The following SSBP2 variants were observed in gnomAD, a reference collection of about 807,000 sequenced individuals.
SSBP2 encodes the protein single stranded DNA binding protein 2, also known as single-stranded DNA-binding protein 2.
A neutral mutation model predicts 61.8 loss-of-function variants in SSBP2; 17 were observed. The ratio of observed to expected loss-of-function variants is 0.28; its 90% CI spans 0.19 to 0.41. The LOEUF (loss-of-function observed/expected upper bound fraction) is 0.41. Among genes scored for constraint, SSBP2 ranks in the 10% least tolerant of loss-of-function variants. The pLI, the probability that SSBP2 is intolerant of heterozygous loss-of-function variation, is 1.00. For missense variants in SSBP2, 310 were observed against 458.7 expected (o/e 0.68, Z 2.96); for synonymous variants, 139 against 141.3 (o/e 0.98, Z 0.12).
At chr5:81,726,097 G>A (rs969733393) in intron 1 of SSBP2, among the ~76,000 whole-genome samples, 1 of 152,108 alleles carries the variant, frequency 6.6e-6, no homozygotes, top group Admixed American at 6.6e-5. Flanking sequence ...ATCTATGTAG[G>A]CAGAGAATTA....
At chr5:81,504,018 A>G (rs1282685600) in intron 5 of SSBP2, among the ~76,000 whole-genome samples, 2 of 152,224 alleles carry the variant, frequency 1.3e-5, no homozygotes, top group African/African-American at 2.4e-5. Flanking sequence ...AAGATCAGAA[A>G]AAAATAAATA....
At chr5:81,564,061 A>T (rs1347797243) in intron 4 of SSBP2, among the ~76,000 whole-genome samples, 2 of 152,218 alleles carry the variant, frequency 1.3e-5, no homozygotes, top group Admixed American at 1.3e-4. Context: ...CACAAAATGA[A>T]TGACCCAATT....
At chr5:81,607,790 CACAA>C (rs1745022789) in intron 4 of SSBP2, among the ~76,000 whole-genome samples, 1 of 152,100 alleles carries the variant, frequency 6.6e-6, no homozygotes, top group African/African-American at 2.4e-5. Context: ...CTTCAACAAC[CACAA>C]ACAGCTTTTG....
At chr5:81,520,211 C>T (rs1038801788) in intron 4 of SSBP2, among the ~76,000 whole-genome samples, 1 of 152,142 alleles carries the variant, frequency 6.6e-6, no homozygotes, top group African/African-American at 2.4e-5. Context: ...TCTCAAACTC[C>T]TGACCTCAAG....
intron 1 of SSBP2, among the ~76,000 whole-genome samples, chr5:81,729,699 G>C (rs1024591685): frequency 2.6e-5 from 4 of 151,716 alleles, no homozygotes; most frequent in African/African-American, 9.7e-5. Flanking sequence ...GAGAAATCTA[G>C]GACAGCATAT....
intron 2 of SSBP2, among the ~76,000 whole-genome samples, chr5:81,639,454 T>G (rs535055331): frequency 8.2e-4 from 124 of 152,130 alleles, no homozygotes; most frequent in African/African-American, 2.8e-3. Flanking sequence ...AAATTACACC[T>G]CAGTAAGGAA....
At chr5:81,714,595 A>G (rs1329823807) in intron 1 of SSBP2, among the ~76,000 whole-genome samples, 2 of 152,202 alleles carry the variant, frequency 1.3e-5, no homozygotes, top group Non-Finnish European at 2.9e-5. Flanking sequence ...TTGCCATTCT[A>G]ACTGGCATGA....
chr5:81,725,104 A>C (rs1755786348), intron 1 of SSBP2, among the ~76,000 whole-genome samples: 1 of 152,162 alleles, frequency 6.6e-6, no homozygotes, highest in African/African-American at 2.4e-5. Context: ...TTGTTGTGAT[A>C]AAGACAATGA....
At chr5:81,540,407 G>A (rs1003129426) in intron 4 of SSBP2, among the ~76,000 whole-genome samples, 1 of 152,140 alleles carries the variant, frequency 6.6e-6, no homozygotes, top group Non-Finnish European at 1.5e-5. Context: ...AGCATCTGTT[G>A]TTTCCTGACT....
chr5:81,625,922 G>A (rs895126756), intron 3 of SSBP2, among the ~76,000 whole-genome samples: 105 of 152,062 alleles, frequency 6.9e-4, no homozygotes, highest in Non-Finnish European at 1.3e-3. Context: ...ACAATAAAAC[G>A]CCATGGAAAA....
chr5:81,661,519 T>C (rs930068162), intron 1 of SSBP2, among the ~76,000 whole-genome samples: 10 of 151,406 alleles, frequency 6.6e-5, no homozygotes, highest in Non-Finnish European at 8.8e-5. Flanking sequence ...CTTCTCTCTT[T>C]TTTTTTTTAA....
chr5:81,507,692 G>C (rs1474482547), intron 5 of SSBP2, among the ~76,000 whole-genome samples: 1 of 152,100 alleles, frequency 6.6e-6, no homozygotes, highest in Middle Eastern at 3.4e-3. Context: ...AGAACATAAA[G>C]TAGGAAAAAG....
intron 1 of SSBP2, among the ~76,000 whole-genome samples, chr5:81,723,078 T>C (rs1755642735): frequency 6.6e-6 from 1 of 152,040 alleles, no homozygotes; most frequent in African/African-American, 2.4e-5. Context: ...TTTATGCTAA[T>C]TAAAGAAGTT....
intron 4 of SSBP2, among the ~76,000 whole-genome samples, chr5:81,553,415 A>G (rs1489880387): frequency 6.6e-6 from 1 of 152,124 alleles, no homozygotes; most frequent in East Asian, 1.9e-4. Flanking sequence ...CTCTCCACAC[A>G]CTACATACTA....
chr5:81,542,817 T>TTCTCTCTCCCTCTCTCTCTC (rs1771385698), intron 4 of SSBP2, among the ~76,000 whole-genome samples: 5 of 106,724 alleles, frequency 4.7e-5, no homozygotes, highest in African/African-American at 2.0e-4. Context: ...ATTTGACAGT[T>TTCTCTCTCCCTCTCTCTCTC]TCTCTCTCTC....
chr5:81,493,539 A>G (rs1580827013), intron 5 of SSBP2, among the ~76,000 whole-genome samples: 1 of 152,160 alleles, frequency 6.6e-6, no homozygotes, highest in Admixed American at 6.5e-5. Flanking sequence ...GCGGATCATG[A>G]CGTCAGCAGT....
chr5:81,425,252 T>G (rs923639051), intron 16 of SSBP2, among the ~76,000 whole-genome samples: 1 of 152,206 alleles, frequency 6.6e-6, no homozygotes, highest in Non-Finnish European at 1.5e-5. Context: ...TAATTCTCAC[T>G]ATATTTCTGT....
intron 4 of SSBP2, among the ~76,000 whole-genome samples, chr5:81,531,895 C>A (rs560443475): frequency 6.6e-6 from 1 of 152,224 alleles, no homozygotes; most frequent in East Asian, 1.9e-4. Flanking sequence ...ATGAGATTAT[C>A]ATCACCTACT....
intron 4 of SSBP2, among the ~76,000 whole-genome samples, chr5:81,600,575 A>C (rs1052741073): frequency 7.9e-5 from 12 of 151,086 alleles, no homozygotes; most frequent in South Asian, 2.1e-4. Context: ...AAAAAAAAAA[A>C]AAAAACAAAA....
Sources: allele counts gnomAD v4.1 joint callset (sites outside exome capture counted in the v4.1 genomes callset), GRCh38; gene constraint gnomAD v4.1.1; transcripts MANE v1.5; gene names NCBI Gene and HGNC (gene_info 2026-07-23, HGNC 2026-07-21).